The following FAAP100 variants were observed in gnomAD, a reference collection of about 807,000 sequenced individuals.
The protein encoded by FAAP100 is FA core complex associated protein 100.
FAAP100 carries 46 observed loss-of-function variants against 65.8 expected under a neutral mutation model. The ratio of observed to expected loss-of-function variants is 0.70; its 90% CI spans 0.55 to 0.89. The LOEUF (loss-of-function observed/expected upper bound fraction) is 0.89, where lower values mean the gene tolerates loss of function less well. Ranked by LOEUF, FAAP100 falls within the 40% of genes least tolerant of loss-of-function variation. The pLI, the probability that FAAP100 is intolerant of heterozygous loss-of-function variation, is 0.00. For missense variants in FAAP100, 1,165 were observed against 1,196.7 expected (o/e 0.97, Z 0.39); for synonymous variants, 663 against 555.1 (o/e 1.19, Z -2.73).
At position 81,550,639 on chromosome 17, in the gene FAAP100, T is replaced by TGAAG. The variant is rs1420451287; in HGVS notation, c.854_855insCTTC (p.Gly286PhefsTer20). On this transcript the variant is annotated frameshift_variant, in exon 3 of 9. Transcript: ENST00000327787. LOFTEE classifies it high-confidence loss of function. The stretch of plus-strand genomic sequence containing the variant: ...CCTGTGGCTCTGTCTTCAAGGCCCC[T>TGAAG]ATGAAGATGACGGGCTCCTCCAGGT... 6.2e-7 allele frequency: 1 copy of TGAAG among 1,613,006 alleles called. No individual in the cohort carries two copies. Among genetic ancestry groups the TGAAG allele is most frequent in the African/African-American group, 1.3e-5 (1 of 75,046 alleles).
At chr17:81,547,992 A>AC (rs781072421) in intron 4 of FAAP100, 2 of 701,996 alleles carry the variant, frequency 2.8e-6, no homozygotes, top group South Asian at 3.0e-5. Context: ...GAAGCGCACC[A>AC]CCCACATCTG....
rs948957413 is a variant in FAAP100, at chr17:81,542,061, G to A, written c.2428-666C>T. Among the ~76,000 whole-genome samples the A allele has an allele frequency of 2.7e-5, 4 of 148,100 alleles. No individual in the cohort carries two copies. The South Asian group carries it at 6.4e-4, about 24-fold the overall frequency. The stretch of plus-strand genomic sequence containing the variant: ...GGGCGCCTGTAGTCCCAGCTACTTG[G>A]GAGGCTGAGGCAGGAGAATGGCGTG... On this transcript the variant is annotated intron_variant, in intron 7 of 8. Transcript: ENST00000327787.
chr17:81,542,617 ATC>A (rs1224853805), intron 7 of FAAP100, among the ~76,000 whole-genome samples: 2 of 152,072 alleles, frequency 1.3e-5, no homozygotes, highest in Non-Finnish European at 2.9e-5. Flanking sequence ...CTGAGATGAG[ATC>A]TGTGTCCAGG....
At chr17:81,551,793 G>A in intron 2 of FAAP100, 135 bp downstream of exon 2, 1 of 1,381,154 alleles carries the variant, frequency 7.2e-7, no homozygotes, top group Non-Finnish European at 9.3e-7. Context: ...CAGATAATCG[G>A]GCAGGGATGG....
Position 81,550,894 on chromosome 17 carries a change from C to T in FAAP100, c.600G>A (p.Val200=). ...APHFLPVLCS[V]SPSGSRVPHD... is the part of the protein sequence containing the mutation. ...GCGGGACCCTGGAGCCTGATGGTGACACAGAGCACAGCACTGGAAGGAAGT... is the reference window on the plus strand; with the variant it reads ...GCGGGACCCTGGAGCCTGATGGTGATACAGAGCACAGCACTGGAAGGAAGT... The change falls in exon 3 of 9, where the codon GTG becomes GTA. Residue 200 remains valine, a synonymous_variant. Coordinates refer to ENST00000327787, the MANE Select transcript of FAAP100 (RefSeq NM_025161.6). 1 of 1,612,606 alleles carries T rather than the reference C, an allele frequency of 6.2e-7. No homozygotes were observed. The highest frequency in any genetic ancestry group is 8.5e-7 in the Non-Finnish European group (1 of 1,179,850).
intron 3 of FAAP100, among the ~76,000 whole-genome samples, chr17:81,549,633 C>T (rs2033423183): frequency 6.6e-6 from 1 of 152,240 alleles, no homozygotes; most frequent in South Asian, 2.1e-4. Flanking sequence ...TTCTCTCCTG[C>T]TGTGTATGTA....
In FAAP100 at chr17:81,551,198, G is replaced by A. The variant is rs778567432; in HGVS notation, c.296C>T (p.Thr99Met). 27 of 1,518,290 alleles carry A rather than the reference G, an allele frequency of 1.8e-5. No individual in the cohort carries two copies. The highest frequency in any genetic ancestry group is 2.5e-5 in the East Asian group (1 of 40,468). The allele number at this position is 1,518,290 out of a possible 1,614,324, so 94.1% of individuals were successfully genotyped here. ...CTCGCTGTCCCTGTCATCCTGGCTC[G>A]TAGACCTTTGAGAACAGGGACGCAC... ...SLDHPGRSRS[T>M]SQDDRDSEDG... The change falls in exon 3 of 9, where the codon ACG becomes ATG. Residue 99 changes from threonine (T) to methionine (M), a missense_variant. Physicochemically the swap from Thr to Met is moderately conservative, Grantham distance 81. Coordinates refer to ENST00000327787, the MANE Select transcript of FAAP100 (RefSeq NM_025161.6).
At position 81,547,199 on chromosome 17, in the gene FAAP100, G is replaced by A. The variant is rs771374171; in HGVS notation, c.1883C>T (p.Pro628Leu). The change falls in exon 5 of 9, where the codon CCC (proline) becomes CTC (leucine). Residue 628 changes from proline to leucine, a missense_variant. By Grantham distance (98) the Pro-to-Leu change is moderately conservative. Transcript: ENST00000327787. ...CTCTTGCTCGGGCAGGACGTCGGAG[G>A]GGCACTCATCCAGAAAGGGGTCCTC... The part of the protein sequence containing the change: ...DSEDPFLDEC[P>L]SDVLPEQEGV... The A allele has an allele frequency of 6.4e-7, 1 of 1,562,460 alleles. No homozygotes were observed. The highest frequency in any genetic ancestry group is 1.2e-5 in the South Asian group (1 of 82,820).
chr17:81,541,700 G>T (rs1365659295), intron 7 of FAAP100, among the ~76,000 whole-genome samples: 1 of 152,182 alleles, frequency 6.6e-6, no homozygotes, highest in Non-Finnish European at 1.5e-5. Flanking sequence ...ATCCAGACCT[G>T]CCTACCGCCC....
intron 6 of FAAP100, 64 bp downstream of exon 6, chr17:81,545,682 G>T: frequency 1.3e-6 from 2 of 1,549,400 alleles, no homozygotes; most frequent in Non-Finnish European, 8.7e-7. Flanking sequence ...CCCGAGCTCC[G>T]GCCCAGGGGC....
At position 81,540,122 on chromosome 17, in the gene FAAP100, C is replaced by T. The variant is rs767584170; in HGVS notation, c.*697G>A. 86 of 398,450 alleles carry T rather than the reference C, an allele frequency of 2.2e-4. No homozygotes were observed. Among genetic ancestry groups the T allele is most frequent in the Admixed American group, 4.0e-4 (9 of 22,710 alleles). The allele number at this position is 398,450 out of a possible 1,614,324, so 24.7% of individuals were successfully genotyped here. A position where few individuals can be genotyped will look rare whatever the true frequency, so the allele number is the denominator to read the frequency against. On this transcript the variant is annotated 3_prime_UTR_variant, in exon 9 of 9. Transcript: ENST00000327787. ...CCTGAGTGGCCCTGAAAATAGTGCA[C>T]AGTGCTGGGTACTGCCCCGGCTGGA...
rs1433285470 is a variant in FAAP100, at chr17:81,540,728, G to A, written c.*91C>T. ...TACCTTCCCTGACGGCTCTGGCCAG[G>A]CCAGCTCGGTTTCCCTCTAACCCAT... On this transcript the variant is annotated 3_prime_UTR_variant, in exon 9 of 9. Transcript: ENST00000327787. 2.1e-6 allele frequency: 3 copies of A among 1,401,744 alleles called. No individual in the cohort carries two copies. The highest frequency in any genetic ancestry group is 2.8e-6 in the Non-Finnish European group (3 of 1,075,436). The allele number at this position is 1,401,744 out of a possible 1,614,324, so 86.8% of individuals were successfully genotyped here. A position where few individuals can be genotyped will look rare whatever the true frequency, so the allele number is the denominator to read the frequency against.
chr17:81,541,279 A>C, intron 8 of FAAP100, 30 bp downstream of exon 8: 1 of 1,586,716 alleles, frequency 6.3e-7, no homozygotes, highest in East Asian at 2.2e-5. Flanking sequence ...ACCCAGGGGA[A>C]GGGGACTGCC....
At position 81,540,121 on chromosome 17, in the gene FAAP100, A is replaced by G; in HGVS notation, c.*698T>C. 1 of 398,496 alleles carries G rather than the reference A, an allele frequency of 2.5e-6. No homozygotes were observed. Among genetic ancestry groups the G allele is most frequent in the Middle Eastern group, 6.3e-4 (1 of 1,588 alleles). 24.7% of individuals were successfully genotyped at this position (398,496 alleles called of 1,614,324 possible). A position where few individuals can be genotyped will look rare whatever the true frequency, so the allele number is the denominator to read the frequency against. On this transcript the variant is annotated 3_prime_UTR_variant, in exon 9 of 9. Transcript: ENST00000327787. ...CCCTGAGTGGCCCTGAAAATAGTGC[A>G]CAGTGCTGGGTACTGCCCCGGCTGG...
intron 6 of FAAP100, among the ~76,000 whole-genome samples, chr17:81,545,234 C>T (rs910292330): frequency 6.6e-6 from 1 of 152,246 alleles, no homozygotes; most frequent in Admixed American, 6.5e-5. Flanking sequence ...CAGGGACACA[C>T]GTGTCCTGGC....
intron 4 of FAAP100, 95 bp downstream of exon 4, chr17:81,549,111 C>A: frequency 1.4e-6 from 2 of 1,419,984 alleles, no homozygotes; most frequent in Non-Finnish European, 9.6e-7. Flanking sequence ...CGTTGCCACC[C>A]GAGGACACTC....
intron 4 of FAAP100, 134 bp from the exon 5 acceptor site, chr17:81,547,812 G>T: frequency 9.0e-7 from 1 of 1,110,158 alleles, no homozygotes; most frequent in Non-Finnish European, 1.3e-6. Context: ...CCACGCCAGA[G>T]AGTGAGCCCC....
intron 5 of FAAP100, 120 bp downstream of exon 5, chr17:81,546,789 G>C: frequency 3.7e-6 from 4 of 1,079,010 alleles, no homozygotes; most frequent in Middle Eastern, 6.3e-4. Context: ...AGGAGCTCGA[G>C]GCTGCAGTGA....
In FAAP100 at chr17:81,549,314, C is replaced by T. The variant is rs2033413217; in HGVS notation, c.1295G>A (p.Cys432Tyr). 6.2e-7 allele frequency: 1 copy of T among 1,612,404 alleles called. No homozygotes were observed. The highest frequency in any genetic ancestry group is 1.1e-5 in the South Asian group (1 of 91,064). Reference protein sequence around the residue: ...ALSAKGRLMTCSLDLDSEMPG... With the variant: ...ALSAKGRLMTYSLDLDSEMPG... ...CATCTCAGAGTCCAGGTCCAGGCTGCAGGTCATCAGGCGGCCTTTGGCGGA... is the reference window on the plus strand; with the variant it reads ...CATCTCAGAGTCCAGGTCCAGGCTGTAGGTCATCAGGCGGCCTTTGGCGGA... Residue 432 changes from cysteine (C) to tyrosine (Y), a missense_variant, in exon 4 of 9, where the codon TGC (cysteine) becomes TAC (tyrosine). Coordinates refer to ENST00000327787, the MANE Select transcript of FAAP100 (RefSeq NM_025161.6).
Sources: allele counts gnomAD v4.1 joint callset (sites outside exome capture counted in the v4.1 genomes callset), GRCh38; gene constraint gnomAD v4.1.1; transcripts MANE v1.5; gene names NCBI Gene and HGNC (gene_info 2026-07-23, HGNC 2026-07-21).